Variants in CHSY1 observed in about 807,000 individuals in gnomAD.
CHSY1 encodes the protein N-acetylgalactosaminyl-proteoglycan 3-beta-glucuronosyltransferase 1.
A neutral mutation model predicts 59.8 loss-of-function variants in CHSY1; 13 were observed. The ratio of observed to expected loss-of-function variants is 0.22; its 90% confidence interval spans 0.14 to 0.35. The LOEUF is 0.35. Ranked by LOEUF, CHSY1 falls within the 10% of genes least tolerant of loss-of-function variation. CHSY1 has a pLI of 1.00. For synonymous variants in CHSY1, 459 were observed against 401.2 expected, an observed-to-expected ratio of 1.14 and a Z score of -1.72; for missense variants, 947 against 1,030.6, an observed-to-expected ratio of 0.92 and a Z score of 1.11.
intron 2 of CHSY1, among the ~76,000 whole-genome samples, chr15:101,196,459 G>A (rs1190580179): frequency 6.6e-6 from 1 of 152,124 alleles, no homozygotes; most frequent in Admixed American, 6.5e-5. Context: ...GGAAAACTCA[G>A]AGAGGTAAAA....
At chr15:101,234,974 T>C in intron 2 of CHSY1, 108 bp downstream of exon 2, 8 of 1,429,440 alleles carry the variant, frequency 5.6e-6, no homozygotes, top group Non-Finnish European at 7.8e-6. Flanking sequence ...TAATACCAAC[T>C]TCAACCCTCA....
chr15:101,189,143 C>T (rs1358522414), intron 2 of CHSY1, among the ~76,000 whole-genome samples: 3 of 152,248 alleles, frequency 2.0e-5, no homozygotes, highest in South Asian at 2.1e-4. Context: ...AAGATCGAGC[C>T]GGCGAGCGTG....
intron 2 of CHSY1, among the ~76,000 whole-genome samples, chr15:101,185,438 C>T (rs1476561807): frequency 6.6e-6 from 1 of 151,610 alleles, no homozygotes; most frequent in African/African-American, 2.4e-5. Flanking sequence ...CCTCCATCCT[C>T]CTTCCCTGTG....
At chr15:101,234,597 C>G (rs1388151352) in intron 2 of CHSY1, among the ~76,000 whole-genome samples, 4 of 152,176 alleles carry the variant, frequency 2.6e-5, no homozygotes, top group Admixed American at 1.3e-4. Context: ...AGCCGGGCGC[C>G]GTGGCTCACG....
chr15:101,243,138 T>A (rs1213039774), intron 1 of CHSY1, among the ~76,000 whole-genome samples: 2 of 152,136 alleles, frequency 1.3e-5, no homozygotes, highest in African/African-American at 4.8e-5. Context: ...TTCCAAGGTA[T>A]TAAGAGCTAC....
intron 2 of CHSY1, among the ~76,000 whole-genome samples, chr15:101,215,070 T>A (rs2038718186): frequency 1.3e-5 from 2 of 152,174 alleles, no homozygotes; most frequent in Admixed American, 1.3e-4. Flanking sequence ...CCTTCCACCA[T>A]GATTGTAAGT....
intron 2 of CHSY1, among the ~76,000 whole-genome samples, chr15:101,194,094 G>A (rs1338785536): frequency 1.3e-5 from 2 of 152,256 alleles, no homozygotes; most frequent in South Asian, 2.1e-4. Context: ...AAAGTGACTC[G>A]AAAGCTTCAA....
chr15:101,231,132 G>A (rs1456113147), intron 2 of CHSY1, among the ~76,000 whole-genome samples: 2 of 152,200 alleles, frequency 1.3e-5, no homozygotes, highest in Non-Finnish European at 2.9e-5. Flanking sequence ...AGCCCTTGGA[G>A]GCAGGCTCCT....
chr15:101,192,611 C>T (rs905589479), intron 2 of CHSY1, among the ~76,000 whole-genome samples: 8 of 149,908 alleles, frequency 5.3e-5, no homozygotes, highest in Non-Finnish European at 1.2e-4. Context: ...GGAAAAGCAT[C>T]CTTCAAAGAG....
intron 2 of CHSY1, among the ~76,000 whole-genome samples, chr15:101,219,054 C>G (rs574757257): frequency 2.6e-5 from 4 of 152,298 alleles, no homozygotes; most frequent in African/African-American, 9.6e-5. Flanking sequence ...TCTCTACAAG[C>G]AGTACAACCT....
intron 2 of CHSY1, among the ~76,000 whole-genome samples, chr15:101,215,466 G>A (rs2038722247): frequency 6.6e-6 from 1 of 152,244 alleles, no homozygotes; most frequent in African/African-American, 2.4e-5. Context: ...CACGCGTGGT[G>A]GCTCACGCCT....
At chr15:101,241,452 A>G (rs1027202047) in intron 1 of CHSY1, among the ~76,000 whole-genome samples, 8 of 152,232 alleles carry the variant, frequency 5.3e-5, no homozygotes, top group Non-Finnish European at 1.2e-4. Flanking sequence ...TTAGAGCTGG[A>G]AAAAAAGTTT....
At chr15:101,200,695 A>G (rs1478256221) in intron 2 of CHSY1, among the ~76,000 whole-genome samples, 13 of 152,052 alleles carry the variant, frequency 8.5e-5, no homozygotes, top group Admixed American at 4.6e-4. Flanking sequence ...CTCAGCTATG[A>G]TTCTCTTCAT....
At chr15:101,235,978 AGTATGT>A (rs933936342) in intron 1 of CHSY1, among the ~76,000 whole-genome samples, 1 of 152,226 alleles carries the variant, frequency 6.6e-6, no homozygotes, top group Non-Finnish European at 1.5e-5. Flanking sequence ...CCAAGTGCCA[AGTATGT>A]GCTAAGCTAA....
intron 2 of CHSY1, among the ~76,000 whole-genome samples, chr15:101,218,945 A>AGGTAT (rs2038762002): frequency 6.6e-6 from 1 of 152,236 alleles, no homozygotes; most frequent in Non-Finnish European, 1.5e-5. Flanking sequence ...TACAATAAAA[A>AGGTAT]GGTATAGTGC....
intron 1 of CHSY1, among the ~76,000 whole-genome samples, chr15:101,238,077 C>G (rs901249838): frequency 3.3e-5 from 5 of 152,094 alleles, no homozygotes; most frequent in African/African-American, 1.2e-4. Flanking sequence ...ACAAAGGTGA[C>G]TTTCACTTTT....
intron 2 of CHSY1, among the ~76,000 whole-genome samples, chr15:101,226,312 G>A (rs2038841116): frequency 6.6e-6 from 1 of 152,126 alleles, no homozygotes; most frequent in Admixed American, 6.5e-5. Context: ...TCCCAAACAT[G>A]AGCTATGGTA....
intron 2 of CHSY1, among the ~76,000 whole-genome samples, chr15:101,206,960 C>G (rs1658360393): frequency 6.6e-6 from 1 of 152,190 alleles, no homozygotes; most frequent in Admixed American, 6.5e-5. Flanking sequence ...GAACGTATGC[C>G]ACGCATTTCC....
intron 1 of CHSY1, among the ~76,000 whole-genome samples, chr15:101,242,132 T>G (rs956696462): frequency 6.6e-6 from 1 of 152,210 alleles, no homozygotes; most frequent in Non-Finnish European, 1.5e-5. Context: ...CAGGGCCAGC[T>G]GTATTTACAT....
Sources: allele counts gnomAD v4.1 joint callset (sites outside exome capture counted in the v4.1 genomes callset), GRCh38; gene constraint gnomAD v4.1.1; transcripts MANE v1.5; gene names NCBI Gene and HGNC (gene_info 2026-07-23, HGNC 2026-07-21).